POLR2I: variants seen among roughly 807,000 people sequenced by gnomAD.
The protein encoded by POLR2I is RNA polymerase II subunit I, also known as DNA-directed RNA polymerase II subunit RPB9.
POLR2I carries 15 observed loss-of-function variants against 23.0 expected under a neutral mutation model. The observed-to-expected ratio is 0.65, with a 90% CI of 0.44 to 1.00. The LOEUF is 1.00. POLR2I is among the 50% of genes least tolerant of loss of function. POLR2I has a pLI of 0.00. For missense variants in POLR2I, 120 were observed against 173.7 expected, an observed-to-expected ratio of 0.69 and a Z score of 1.74; for synonymous variants, 72 against 65.4, an observed-to-expected ratio of 1.10 and a Z score of -0.49.
chr19:36,113,724 G>C lies in POLR2I; in HGVS notation c.*31C>G. On this transcript the variant is annotated 3_prime_UTR_variant, in exon 6 of 6. Coordinates refer to ENST00000221859, the MANE Select transcript of POLR2I (RefSeq NM_006233.5). Reference sequence around the variant, plus strand: ...CACAGAAAACTCACGCATGGAATCTGGTGTTTATTACACTCGGGGGAGAGA... The same window carrying C: ...CACAGAAAACTCACGCATGGAATCTCGTGTTTATTACACTCGGGGGAGAGA... 2 of 1,608,994 alleles carry C rather than the reference G, an allele frequency of 1.2e-6. No individual in the cohort carries two copies. Among genetic ancestry groups the C allele is most frequent in the South Asian group, 2.2e-5 (2 of 90,276 alleles).
rs201075532 is a variant in POLR2I, at chr19:36,114,875, C to G, written c.-19G>C. 122 of 1,612,338 alleles carry G rather than the reference C, an allele frequency of 7.6e-5. No individual in the cohort carries two copies. Among genetic ancestry groups the G allele is most frequent in the Non-Finnish European group, 9.7e-5 (115 of 1,179,740 alleles). On this transcript the variant is annotated 5_prime_UTR_variant, in exon 1 of 6. Transcript: ENST00000221859. This position sits in a 1 kb window ranked among gnomAD's most constrained non-coding sequence, Gnocchi z 4.5. ...GCTCCATGGCGACGCGCAGCCCGCG[C>G]AGCCCTCCCAGCCTTCCGCGCTTGC...
In POLR2I at chr19:36,114,287, C is replaced by A; in HGVS notation, c.189-36G>T. On this transcript the variant is annotated intron_variant, in intron 3 of 5. Coordinates refer to ENST00000221859, the MANE Select transcript of POLR2I (RefSeq NM_006233.5). The surrounding 1 kb of genome is among the most constrained non-coding windows in gnomAD (Gnocchi z 4.5). ...GCGGGGGTGCAAAATTACGCTCAGA[C>A]CCAGCCTCCAGAGCCAACACCCCCG... is the stretch of plus-strand genomic sequence containing the variant. 1.9e-6 allele frequency: 3 copies of A among 1,613,682 alleles called. No individual in the cohort carries two copies. The highest frequency in any genetic ancestry group is 2.5e-6 in the Non-Finnish European group (3 of 1,179,686).
chr19:36,113,937 G>GTCAC (rs1197728012), intron 5 of POLR2I, 78 bp downstream of exon 5: 1 of 1,580,158 alleles, frequency 6.3e-7, no homozygotes. Flanking sequence ...GAAGCGCAGG[G>GTCAC]TCACCCACAT....
Position 36,114,427 on chromosome 19 carries a change from G to A in POLR2I, c.115-15C>T, listed in dbSNP as rs1471950778. On this transcript the variant is annotated splice_polypyrimidine_tract_variant and intron_variant, in intron 2 of 5. Transcript: ENST00000221859. The surrounding 1 kb of genome is among the most constrained non-coding windows in gnomAD (Gnocchi z 4.5). ...CAGTTCCGGCACTACGAGAGGGCGA[G>A]TGTGGGGGAAAGGGGGTCACGGAAG... is the stretch of plus-strand genomic sequence containing the variant. The A allele has an allele frequency of 1.9e-6, 3 of 1,612,330 alleles. No individual in the cohort carries two copies. The highest frequency in any genetic ancestry group is 1.7e-6 in the Non-Finnish European group (2 of 1,178,522).
chr19:36,114,698 G>A lies in POLR2I; in HGVS notation c.75C>T (p.Tyr25=), dbSNP rs1316365861. The change falls in exon 2 of 6, where the codon TAC becomes TAT. Residue 25 remains tyrosine (Y), a synonymous_variant. Coordinates refer to ENST00000221859, the MANE Select transcript of POLR2I (RefSeq NM_006233.5). This position sits in a 1 kb window ranked among gnomAD's most constrained non-coding sequence, Gnocchi z 4.5. ...RFCQECNNML[Y]PKEDKENRIL... is the part of the protein sequence containing the mutation. Reference sequence around the variant, plus strand: ...TGCGGTTCTCCTTGTCTTCCTTGGGGTACAGCATGTTGTTACTGTGGGGAG... The same window carrying A: ...TGCGGTTCTCCTTGTCTTCCTTGGGATACAGCATGTTGTTACTGTGGGGAG... The A allele has an allele frequency of 1.9e-6, 3 of 1,612,574 alleles. No homozygotes were observed. The highest frequency in any genetic ancestry group is 1.7e-6 in the Non-Finnish European group (2 of 1,178,830).
Position 36,114,479 on chromosome 19 carries a change from G to A in POLR2I, c.115-67C>T, listed in dbSNP as rs1280719844. On this transcript the variant is annotated intron_variant, in intron 2 of 5. Transcript: ENST00000221859. The surrounding 1 kb of genome is among the most constrained non-coding windows in gnomAD (Gnocchi z 4.5). ...ATTCCAGACAAGATTGGGAGGAGAG[G>A]GCAGGGTGATCCCGGAGGATATGAC... 1.0e-5 allele frequency: 15 copies of A among 1,476,446 alleles called. No individual in the cohort carries two copies. Among genetic ancestry groups the A allele is most frequent in the South Asian group, 2.3e-5 (2 of 88,320 alleles). 91.5% of individuals were successfully genotyped at this position (1,476,446 alleles called of 1,614,324 possible).
In POLR2I at chr19:36,114,545, G is replaced by C. The variant is rs1286911008; in HGVS notation, c.114+114C>G. ...GGGGATGGGCAGGACATGAGAGTCA[G>C]GATCACTTGAGGTGCAGCGGAGGGC... On this transcript the variant is annotated intron_variant, in intron 2 of 5. Transcript: ENST00000221859. The surrounding 1 kb of genome is among the most constrained non-coding windows in gnomAD (Gnocchi z 4.5). The C allele has an allele frequency of 2.3e-6, 3 of 1,311,944 alleles. No individual in the cohort carries two copies. Among genetic ancestry groups the C allele is most frequent in the Middle Eastern group, 1.9e-4 (1 of 5,312 alleles). 81.3% of individuals were successfully genotyped at this position (1,311,944 alleles called of 1,614,324 possible).
In POLR2I at chr19:36,114,782, G is replaced by A. The variant is rs1336227155; in HGVS notation, c.59+16C>T. The A allele has an allele frequency of 5.6e-6, 9 of 1,613,948 alleles. No homozygotes were observed. The highest frequency in any genetic ancestry group is 7.6e-6 in the Non-Finnish European group (9 of 1,179,854). On this transcript the variant is annotated intron_variant, in intron 1 of 5. Transcript: ENST00000221859. The surrounding 1 kb of genome is among the most constrained non-coding windows in gnomAD (Gnocchi z 4.5). ...CCTCGCCCGCCTTCTAACATCACCC[G>A]CTCCCTCCGCCTCACCATTCCTGGC...
At position 36,114,311 on chromosome 19, in the gene POLR2I, C is replaced by T. The variant is rs1207147579; in HGVS notation, c.188+28G>A. The T allele has an allele frequency of 6.2e-7, 1 of 1,613,414 alleles. No individual in the cohort carries two copies. The highest frequency in any genetic ancestry group is 8.5e-7 in the Non-Finnish European group (1 of 1,179,646). On this transcript the variant is annotated intron_variant, in intron 3 of 5. Transcript: ENST00000221859. The surrounding 1 kb of genome is among the most constrained non-coding windows in gnomAD (Gnocchi z 4.5). The stretch of plus-strand genomic sequence containing the variant: ...ACCCAGCCTCCAGAGCCAACACCCC[C>T]GCCCCCAGCTCAGGGCCCGCCACTC...
At position 36,114,024 on chromosome 19, in the gene POLR2I, C is replaced by T. The variant is rs1973893514; in HGVS notation, c.306G>A (p.Ala102=). 2 of 1,613,964 alleles carry T rather than the reference C, an allele frequency of 1.2e-6. No homozygotes were observed. Among genetic ancestry groups the T allele is most frequent in the East Asian group, 2.2e-5 (1 of 44,862 alleles). ...CCCTCGCGCCACTTACCTCGGCCCG[C>T]GCACTGTGTGACTGGAAGAACACAG... ...KEAVFFQSHS[A]RAEDAMRLYY... The change falls in exon 5 of 6, where the codon GCG becomes GCA. Residue 102 remains alanine (A), a synonymous_variant. Transcript: ENST00000221859. The surrounding 1 kb of genome is among the most constrained non-coding windows in gnomAD (Gnocchi z 4.5).
At position 36,114,401 on chromosome 19, in the gene POLR2I, A is replaced by C. The variant is rs747327622; in HGVS notation, c.126T>G (p.Cys42Trp). The C allele has an allele frequency of 6.2e-7, 1 of 1,613,850 alleles. No individual in the cohort carries two copies. The highest frequency in any genetic ancestry group is 2.2e-5 in the East Asian group (1 of 44,882). Reference sequence around the variant, plus strand: ...TGTTGTCGGCCTCCTGCTGGTAATCACAGTTCCGGCACTACGAGAGGGCGA... The same window carrying C: ...TGTTGTCGGCCTCCTGCTGGTAATCCCAGTTCCGGCACTACGAGAGGGCGA... ...NRILLYACRN[C>W]DYQQEADNSC... is the part of the protein sequence containing the mutation. Residue 42 changes from cysteine to tryptophan, a missense_variant, in exon 3 of 6, where the codon TGT becomes TGG. By Grantham distance (215) the Cys-to-Trp change is radical. Coordinates refer to ENST00000221859, the MANE Select transcript of POLR2I (RefSeq NM_006233.5). This position sits in a 1 kb window ranked among gnomAD's most constrained non-coding sequence, Gnocchi z 4.5.
Position 36,114,072 on chromosome 19 carries a change from A to G in POLR2I, c.264-6T>C. On this transcript the variant is annotated splice_polypyrimidine_tract_variant and splice_region_variant and intron_variant, in intron 4 of 5. Coordinates refer to ENST00000221859, the MANE Select transcript of POLR2I (RefSeq NM_006233.5). This position sits in a 1 kb window ranked among gnomAD's most constrained non-coding sequence, Gnocchi z 4.5. ...CAGCCTCCTTGTGGCCGCACCTGAGAGGGTAGGGGCTCGGTCACCGGAGGC... is the reference window on the plus strand; with the variant it reads ...CAGCCTCCTTGTGGCCGCACCTGAGGGGGTAGGGGCTCGGTCACCGGAGGC... The G allele has an allele frequency of 6.2e-7, 1 of 1,613,934 alleles. No individual in the cohort carries two copies. The highest frequency in any genetic ancestry group is 8.5e-7 in the Non-Finnish European group (1 of 1,179,948).
At position 36,114,521 on chromosome 19, in the gene POLR2I, G is replaced by C; in HGVS notation, c.115-109C>G. 7.7e-7 allele frequency: 1 copy of C among 1,304,426 alleles called. No homozygotes were observed. The highest frequency in any genetic ancestry group is 1.1e-6 in the Non-Finnish European group (1 of 907,768). The allele number at this position is 1,304,426 out of a possible 1,614,324, so 80.8% of individuals were successfully genotyped here. The stretch of plus-strand genomic sequence containing the variant: ...GGATATGACGACAGGACTCTCTTTG[G>C]GGATGGGCAGGACATGAGAGTCAGG... On this transcript the variant is annotated intron_variant, in intron 2 of 5. Coordinates refer to ENST00000221859, the MANE Select transcript of POLR2I (RefSeq NM_006233.5). This position sits in a 1 kb window ranked among gnomAD's most constrained non-coding sequence, Gnocchi z 4.5.
rs772475664 is a variant in POLR2I at position 36,114,312 on chromosome 19, G to A, written c.188+27C>T. 5.3e-5 allele frequency: 85 copies of A among 1,612,834 alleles called. No individual in the cohort carries two copies. Among genetic ancestry groups the A allele is most frequent in the Non-Finnish European group, 7.0e-5 (82 of 1,179,252 alleles). On this transcript the variant is annotated intron_variant, in intron 3 of 5. Coordinates refer to ENST00000221859, the MANE Select transcript of POLR2I (RefSeq NM_006233.5). This position sits in a 1 kb window ranked among gnomAD's most constrained non-coding sequence, Gnocchi z 4.5. The stretch of plus-strand genomic sequence containing the variant: ...CCCAGCCTCCAGAGCCAACACCCCC[G>A]CCCCCAGCTCAGGGCCCGCCACTCA...
Position 36,114,329 on chromosome 19 carries a change from C to T in POLR2I, c.188+10G>A, listed in dbSNP as rs139507463. On this transcript the variant is annotated intron_variant, in intron 3 of 5. Coordinates refer to ENST00000221859, the MANE Select transcript of POLR2I (RefSeq NM_006233.5). The surrounding 1 kb of genome is among the most constrained non-coding windows in gnomAD (Gnocchi z 4.5). ...ACACCCCCGCCCCCAGCTCAGGGCC[C>T]GCCACTCACTCCACTTCGTGCGTGA... 13,500 of 1,613,850 alleles carry T rather than the reference C, an allele frequency of 8.4e-3. 136 individuals are homozygous for T. Among genetic ancestry groups the T allele is most frequent in the South Asian group, 0.038 (3,420 of 91,054 alleles).
Position 36,114,620 on chromosome 19 carries a change from G to A in POLR2I, c.114+39C>T, listed in dbSNP as rs746256753. 15 of 1,583,482 alleles carry A rather than the reference G, an allele frequency of 9.5e-6. No individual in the cohort carries two copies. Among genetic ancestry groups the A allele is most frequent in the Middle Eastern group, 1.7e-4 (1 of 5,972 alleles). On this transcript the variant is annotated intron_variant, in intron 2 of 5. Transcript: ENST00000221859. The surrounding 1 kb of genome is among the most constrained non-coding windows in gnomAD (Gnocchi z 4.5). ...CAGGGGGCAGGGCGGGGCCACGCTG[G>A]GAACAGGTGGACCTGCCGGGGAAGA... is the stretch of plus-strand genomic sequence containing the variant.
chr19:36,114,643 A>G lies in POLR2I; in HGVS notation c.114+16T>C. The G allele has an allele frequency of 6.3e-7, 1 of 1,599,308 alleles. No individual in the cohort carries two copies. The highest frequency in any genetic ancestry group is 8.6e-7 in the Non-Finnish European group (1 of 1,168,924). ...TGGGAACAGGTGGACCTGCCGGGGA[A>G]GACCCCGGCGCTCACCGCGTAGAGC... is the stretch of plus-strand genomic sequence containing the variant. On this transcript the variant is annotated intron_variant, in intron 2 of 5. Coordinates refer to ENST00000221859, the MANE Select transcript of POLR2I (RefSeq NM_006233.5). This position sits in a 1 kb window ranked among gnomAD's most constrained non-coding sequence, Gnocchi z 4.5.
chr19:36,113,873 A>T, intron 5 of POLR2I, 56 bp from the exon 6 acceptor site: 2 of 1,600,692 alleles, frequency 1.2e-6, no homozygotes, highest in Admixed American at 3.3e-5. Context: ...GCCTTACCCC[A>T]AAAGAACAGG....
chr19:36,114,827 G>C lies in POLR2I; in HGVS notation c.30C>G (p.Gly10=), dbSNP rs551750579. The stretch of plus-strand genomic sequence containing the variant: ...CCTGGCAGAAGCGAATACCCACGAA[G>C]CCCGGCTCGTAAGTCCCGTCGGGCT... The part of the protein sequence containing the change: MEPDGTYEP[G]FVGIRFCQEC... Residue 10 remains glycine, a synonymous_variant, in exon 1 of 6, where the codon GGC becomes GGG. Coordinates refer to ENST00000221859, the MANE Select transcript of POLR2I (RefSeq NM_006233.5). The surrounding 1 kb of genome is among the most constrained non-coding windows in gnomAD (Gnocchi z 4.5). The C allele has an allele frequency of 2.4e-5, 38 of 1,614,112 alleles. No homozygotes were observed. The East Asian group carries it at 6.9e-4, about 29-fold the overall frequency.
Sources: allele counts gnomAD v4.1 joint callset, GRCh38; gene constraint gnomAD v4.1.1; non-coding constraint Gnocchi (gnomAD v3.1); transcripts MANE v1.5; gene names NCBI Gene and HGNC (gene_info 2026-07-23, HGNC 2026-07-21).